PCMTD1: variants seen among roughly 807,000 people sequenced by gnomAD.
The protein encoded by PCMTD1 is protein-L-isoaspartate (D-aspartate) O-methyltransferase domain containing 1.
A neutral mutation model predicts 37.6 loss-of-function variants in PCMTD1; 12 were observed. The observed-to-expected ratio is 0.32, with a 90% CI of 0.20 to 0.52. The LOEUF is 0.52. Ranked by LOEUF, PCMTD1 falls within the 20% of genes least tolerant of loss-of-function variation. The pLI, the probability that PCMTD1 is intolerant of heterozygous loss-of-function variation, is 0.97. For synonymous variants in PCMTD1, 117 were observed against 135.8 expected (o/e 0.86, Z 0.96); for missense variants, 235 against 421.3 (o/e 0.56, Z 3.87).
chr8:51,855,444 A>G (rs1333726497), intron 2 of PCMTD1, among the ~76,000 whole-genome samples: 1 of 150,292 alleles, frequency 6.7e-6, no homozygotes, highest in Non-Finnish European at 1.5e-5. Flanking sequence ...GAGGCAGGAG[A>G]ATCAACTGAA....
chr8:51,865,895 T>C (rs1488418787), intron 1 of PCMTD1, among the ~76,000 whole-genome samples: 1 of 151,850 alleles, frequency 6.6e-6, no homozygotes, highest in African/African-American at 2.4e-5. Flanking sequence ...ACTGATAACA[T>C]AATCTTATAT....
At chr8:51,824,847 T>C (rs1433374102) in intron 5 of PCMTD1, among the ~76,000 whole-genome samples, 1 of 152,090 alleles carries the variant, frequency 6.6e-6, no homozygotes, top group South Asian at 2.1e-4. Context: ...AAAACAGATA[T>C]ACAGACCAAT....
chr8:51,833,702 A>G lies in PCMTD1; in HGVS notation c.411-13T>C. ...ACAGAACTCAAATCTGCATTGAAAA[A>G]CAAACATTTTAATTCAATTAAGCAA... On this transcript the variant is annotated splice_polypyrimidine_tract_variant and intron_variant, in intron 3 of 5. Coordinates refer to ENST00000522514, the MANE Select transcript of PCMTD1 (RefSeq NM_052937.4). 1.3e-6 allele frequency: 2 copies of G among 1,598,576 alleles called. No individual in the cohort carries two copies. Among genetic ancestry groups the G allele is most frequent in the Non-Finnish European group, 1.7e-6 (2 of 1,175,994 alleles).
rs1378113913 is a variant in PCMTD1 at position 51,820,137 on chromosome 8, A to G, written c.*214T>C. The G allele has an allele frequency of 2.5e-6, 1 of 392,302 alleles. No homozygotes were observed. Among genetic ancestry groups the G allele is most frequent in the Non-Finnish European group, 4.4e-6 (1 of 229,176 alleles). 24.3% of individuals were successfully genotyped at this position (392,302 alleles called of 1,614,324 possible). On this transcript the variant is annotated 3_prime_UTR_variant, in exon 6 of 6. Coordinates refer to ENST00000522514, the MANE Select transcript of PCMTD1 (RefSeq NM_052937.4). ...TTTGAAATCACTCTGAGCTAAAACAACATTTTTCCAAGATTTAAAGAAAAA... is the reference window on the plus strand; with the variant it reads ...TTTGAAATCACTCTGAGCTAAAACAGCATTTTTCCAAGATTTAAAGAAAAA...
chr8:51,894,629 T>C (rs2038975640), intron 1 of PCMTD1, among the ~76,000 whole-genome samples: 1 of 152,198 alleles, frequency 6.6e-6, no homozygotes, highest in Non-Finnish European at 1.5e-5. Context: ...TTGCTTGTCA[T>C]CAGGCAGGGA....
In PCMTD1 at chr8:51,831,501, C is replaced by G; in HGVS notation, c.649G>C (p.Ala217Pro). The change falls in exon 5 of 6, where the codon GCT (alanine) becomes CCT (proline). Residue 217 changes from alanine to proline, a missense_variant. Ala to Pro is a conservative substitution (Grantham distance 27). Coordinates refer to ENST00000522514, the MANE Select transcript of PCMTD1 (RefSeq NM_052937.4). ...TTCTTACTTGGTTGCACAAGTGGAG[C>G]AAATGAAACAGCAAGGATATTTTTA... ...ESKNILAVSFAPLVQPSKNDN... is the reference protein window; with the variant it reads ...ESKNILAVSFPPLVQPSKNDN... 6.2e-7 allele frequency: 1 copy of G among 1,613,614 alleles called. No homozygotes were observed. Among genetic ancestry groups the G allele is most frequent in the Non-Finnish European group, 8.5e-7 (1 of 1,179,764 alleles).
intron 2 of PCMTD1, among the ~76,000 whole-genome samples, chr8:51,855,822 G>A (rs2038380089): frequency 6.6e-6 from 1 of 151,836 alleles, no homozygotes; most frequent in Admixed American, 6.6e-5. Flanking sequence ...ACCATGCCTG[G>A]CTAATTTTTT....
At chr8:51,860,641 C>T in intron 2 of PCMTD1, 1 of 486,980 alleles carries the variant, frequency 2.1e-6, no homozygotes, top group Non-Finnish European at 3.6e-6. Flanking sequence ...AGTTAGTTTC[C>T]AGAGCTACTG....
intron 3 of PCMTD1, chr8:51,844,830 G>A (rs1026953509): frequency 2.0e-5 from 3 of 152,170 alleles, no homozygotes; most frequent in African/African-American, 7.2e-5. Flanking sequence ...ATATAAATGA[G>A]GGCCAACTCC....
At chr8:51,823,227 G>A (rs952833254) in intron 5 of PCMTD1, among the ~76,000 whole-genome samples, 7 of 152,214 alleles carry the variant, frequency 4.6e-5, no homozygotes, top group African/African-American at 1.7e-4. Context: ...ACTTTGAGAG[G>A]CTGAAGCAGG....
At chr8:51,863,822 G>A (rs753303657) in intron 1 of PCMTD1, among the ~76,000 whole-genome samples, 1 of 151,926 alleles carries the variant, frequency 6.6e-6, no homozygotes, top group Non-Finnish European at 1.5e-5. Context: ...AGCTACTCGG[G>A]AAGCTGAGCC....
chr8:51,826,860 A>C lies in PCMTD1; in HGVS notation c.706+4584T>G, dbSNP rs886631832. On this transcript the variant is annotated intron_variant, in intron 5 of 5. Coordinates refer to ENST00000522514, the MANE Select transcript of PCMTD1 (RefSeq NM_052937.4). ...TCTTCTCCTCAACCCCAAACAAAAA[A>C]ACCACAGAAAGAAATAGGATTTTTA... is the stretch of plus-strand genomic sequence containing the variant. 6.0e-6 allele frequency: 5 copies of C among 836,910 alleles called. No individual in the cohort carries two copies. In the African/African-American group the frequency reaches 9.2e-5, roughly 15 times the overall value. The allele number at this position is 836,910 out of a possible 1,614,324, so 51.8% of individuals were successfully genotyped here.
At chr8:51,853,517 A>G (rs146566538) in intron 2 of PCMTD1, among the ~76,000 whole-genome samples, 1 of 152,340 alleles carries the variant, frequency 6.6e-6, no homozygotes, top group East Asian at 1.9e-4. Context: ...GTCAATTGTC[A>G]TTATTTACTG....
intron 1 of PCMTD1, among the ~76,000 whole-genome samples, chr8:51,872,017 T>C (rs1189163119): frequency 6.6e-6 from 1 of 152,194 alleles, no homozygotes; most frequent in African/African-American, 2.4e-5. Context: ...CATATTCCAC[T>C]TGGCTTGGAA....
chr8:51,874,900 A>C (rs2038690516), intron 1 of PCMTD1, among the ~76,000 whole-genome samples: 1 of 152,238 alleles, frequency 6.6e-6, no homozygotes, highest in Admixed American at 6.5e-5. Flanking sequence ...AACTCAACTT[A>C]AAGAGCTCTC....
At chr8:51,873,990 G>A (rs2038677278) in intron 1 of PCMTD1, among the ~76,000 whole-genome samples, 1 of 149,614 alleles carries the variant, frequency 6.7e-6, no homozygotes. Flanking sequence ...TCAGCTCACT[G>A]CAAGCTCCGC....
At chr8:51,853,460 G>A (rs1008273624) in intron 2 of PCMTD1, among the ~76,000 whole-genome samples, 1 of 152,088 alleles carries the variant, frequency 6.6e-6, no homozygotes, top group Admixed American at 6.5e-5. Context: ...TTACACTTAA[G>A]GAAACAAATT....
At chr8:51,827,810 T>TAAA (rs1289603864) in intron 5 of PCMTD1, among the ~76,000 whole-genome samples, 2,338 of 152,316 alleles carry the variant, frequency 0.015, 57 homozygotes, top group African/African-American at 0.052. Context: ...ATAATGGATT[T>TAAA]TTTTTAATTT....
At chr8:51,894,737 G>C (rs553481338) in intron 1 of PCMTD1, among the ~76,000 whole-genome samples, 90 of 151,414 alleles carry the variant, frequency 5.9e-4, no homozygotes, top group African/African-American at 2.2e-3. Context: ...ATGGCTGCTG[G>C]AAGAACTGAA....
Sources: allele counts gnomAD v4.1 joint callset (sites outside exome capture counted in the v4.1 genomes callset), GRCh38; gene constraint gnomAD v4.1.1; transcripts MANE v1.5; gene names NCBI Gene and HGNC (gene_info 2026-07-23, HGNC 2026-07-21).